The following THRAP3 variants were observed in gnomAD, a reference collection of about 807,000 sequenced individuals.
THRAP3 encodes thyroid hormone receptor associated protein 3, also known as thyroid hormone receptor-associated protein 3.
Under a neutral mutation model 101.0 loss-of-function variants are expected in THRAP3, and 16 were observed. The ratio of observed to expected loss-of-function variants is 0.16; its 90% CI spans 0.11 to 0.24. The LOEUF is 0.24. Ranked by LOEUF, THRAP3 falls within the 10% of genes least tolerant of loss-of-function variation. The pLI is 1.00. For missense variants in THRAP3, 989 were observed against 1,202.7 expected (o/e 0.82, Z 2.63); for synonymous variants, 407 against 422.6 (o/e 0.96, Z 0.45).
intron 2 of THRAP3, among the ~76,000 whole-genome samples, chr1:36,276,822 A>G (rs1645666740): frequency 6.6e-6 from 1 of 152,122 alleles, no homozygotes; most frequent in Non-Finnish European, 1.5e-5. Context: ...ACGCCACTGC[A>G]CTCTAGCCTG....
At chr1:36,297,294 C>G (rs1009409092) in intron 9 of THRAP3, among the ~76,000 whole-genome samples, 3 of 152,194 alleles carry the variant, frequency 2.0e-5, no homozygotes, top group Non-Finnish European at 1.5e-5. Flanking sequence ...TGTGTGGCAA[C>G]ATTCATGCCT....
intron 5 of THRAP3, among the ~76,000 whole-genome samples, chr1:36,290,048 A>C (rs2124609796): frequency 6.6e-6 from 1 of 152,266 alleles, no homozygotes; most frequent in East Asian, 1.9e-4. Flanking sequence ...TGTTTCTTGT[A>C]TTTAAGATAG....
the THRAP3 span, among the ~76,000 whole-genome samples, chr1:36,217,975 A>G: frequency 6.6e-6 from 1 of 152,230 alleles, no homozygotes; most frequent in Admixed American, 6.5e-5. Context: ...AGAAATGATT[A>G]AGCTTAATGA....
chr1:36,282,538 A>T lies in THRAP3; in HGVS notation c.-26A>T. 1 of 1,610,496 alleles carries T rather than the reference A, an allele frequency of 6.2e-7. No homozygotes were observed. Among genetic ancestry groups the T allele is most frequent in the Non-Finnish European group, 8.5e-7 (1 of 1,177,906 alleles). On this transcript the variant is annotated 5_prime_UTR_variant, in exon 3 of 12. Transcript: ENST00000354618. ...AATGCATTTTCTTACATTAGGTGTA[A>T]TTGAAAAGTGATCCTCTCTTCAGAG...
chr1:36,293,237 C>T (rs1047187070), intron 7 of THRAP3, among the ~76,000 whole-genome samples: 11 of 152,048 alleles, frequency 7.2e-5, no homozygotes, highest in Admixed American at 6.6e-4. Flanking sequence ...CCATGTTGGC[C>T]AGTCTGGTCT....
chr1:36,299,569 C>T (rs1227293708), intron 9 of THRAP3, among the ~76,000 whole-genome samples: 1 of 151,116 alleles, frequency 6.6e-6, no homozygotes, highest in African/African-American at 2.4e-5. Context: ...GATATGATCT[C>T]GGCTCACTGC....
chr1:36,294,150 T>G, intron 8 of THRAP3: 1 of 1,307,560 alleles, frequency 7.6e-7, no homozygotes, highest in Non-Finnish European at 9.7e-7. Flanking sequence ...GACCCCAAAG[T>G]CTATTGAGGT....
chr1:36,289,803 G>T, intron 5 of THRAP3, 39 bp downstream of exon 5: 3 of 1,549,558 alleles, frequency 1.9e-6, no homozygotes, highest in Non-Finnish European at 2.6e-6. Context: ...TGCTTTAGTG[G>T]CCTAAGTGGT....
chr1:36,292,176 C>T (rs573301614), intron 6 of THRAP3, among the ~76,000 whole-genome samples: 116 of 147,666 alleles, frequency 7.9e-4, no homozygotes, highest in African/African-American at 2.7e-3. Context: ...GATTTAACTA[C>T]TTTAGGTGCA....
chr1:36,292,883 T>G (rs1645894721), intron 7 of THRAP3, among the ~76,000 whole-genome samples, 174 bp downstream of exon 7: 1 of 152,108 alleles, frequency 6.6e-6, no homozygotes, highest in Non-Finnish European at 1.5e-5. Flanking sequence ...AGGACATGCT[T>G]TGGGACAACA....
chr1:36,247,056 C>T (rs1463169806), intron 1 of THRAP3, among the ~76,000 whole-genome samples: 2 of 152,086 alleles, frequency 1.3e-5, no homozygotes, highest in East Asian at 2.0e-4. Context: ...CAGTGGCCCA[C>T]GCCTGTAATC....
In THRAP3 at chr1:36,287,026, C is replaced by T. The variant is rs554014632; in HGVS notation, c.796C>T (p.Arg266Cys). 7.4e-6 allele frequency: 12 copies of T among 1,613,648 alleles called. No individual in the cohort carries two copies. The South Asian group carries it at 7.7e-5, about 10-fold the overall frequency. ...QSVVVRRRSP[R>C]PSPVPKPSPP... ...TGTGGTGGTGAGGCGGCGGTCACCCCGTCCTAGCCCCGTGCCAAAACCTAG... is the reference window on the plus strand; with the variant it reads ...TGTGGTGGTGAGGCGGCGGTCACCCTGTCCTAGCCCCGTGCCAAAACCTAG... The change falls in exon 4 of 12, where the codon CGT becomes TGT. Residue 266 changes from arginine to cysteine, a missense_variant. Coordinates refer to ENST00000354618, the MANE Select transcript of THRAP3 (RefSeq NM_005119.4).
intron 2 of THRAP3, among the ~76,000 whole-genome samples, chr1:36,278,577 C>A (rs1445514256): frequency 2.0e-5 from 3 of 152,098 alleles, no homozygotes; most frequent in East Asian, 3.8e-4. Flanking sequence ...AAAACAAATT[C>A]TTTCTCCTAG....
intron 1 of THRAP3, among the ~76,000 whole-genome samples, chr1:36,253,504 T>A (rs2124464122): frequency 6.6e-6 from 1 of 152,318 alleles, no homozygotes; most frequent in East Asian, 1.9e-4. Flanking sequence ...ATAAAGTAAT[T>A]TGACATTTCT....
At chr1:36,225,192 A>G (rs1158388486) in intron 1 of THRAP3, 1 of 152,338 alleles carries the variant, frequency 6.6e-6, no homozygotes, top group Non-Finnish European at 1.5e-5. Flanking sequence ...GCATGGCAGC[A>G]GAAGCTGGGG....
intron 1 of THRAP3, among the ~76,000 whole-genome samples, chr1:36,250,949 G>T (rs988077329): frequency 3.3e-5 from 5 of 151,820 alleles, no homozygotes; most frequent in Non-Finnish European, 7.4e-5. Flanking sequence ...GTTTTACCAT[G>T]TTGGTCAGGC....
At chr1:36,210,021 G>A in the THRAP3 span, among the ~76,000 whole-genome samples, 1 of 152,216 alleles carries the variant, frequency 6.6e-6, no homozygotes, top group African/African-American at 2.4e-5. Flanking sequence ...AAAACAAAGT[G>A]TGGTCCATAC....
At chr1:36,294,395 T>C (rs1449200014) in intron 8 of THRAP3, among the ~76,000 whole-genome samples, 1 of 152,244 alleles carries the variant, frequency 6.6e-6, no homozygotes, top group Non-Finnish European at 1.5e-5. Flanking sequence ...CATTGTACCA[T>C]ATCTATCATC....
intron 1 of THRAP3, among the ~76,000 whole-genome samples, chr1:36,236,084 TA>T (rs1645084027): frequency 1.3e-5 from 2 of 149,428 alleles, no homozygotes; most frequent in African/African-American, 5.0e-5. Context: ...CCGTCTCTAC[TA>T]AAAATAAAAA....
Sources: allele counts gnomAD v4.1 joint callset (sites outside exome capture counted in the v4.1 genomes callset), GRCh38; gene constraint gnomAD v4.1.1; transcripts MANE v1.5; gene names NCBI Gene and HGNC (gene_info 2026-07-23, HGNC 2026-07-21).